The following CFAP61 variants were observed in gnomAD, a reference collection of about 807,000 sequenced individuals.
CFAP61 encodes the protein cilia- and flagella-associated protein 61.
A neutral mutation model predicts 135.6 loss-of-function variants in CFAP61; 107 were observed. The ratio of observed to expected loss-of-function variants is 0.79; its 90% CI spans 0.67 to 0.93. CFAP61 has a LOEUF of 0.93. Among genes scored for constraint, CFAP61 ranks in the 40% least tolerant of loss-of-function variants. The probability of loss-of-function intolerance (pLI) is 0.00; values close to 1 mark genes in which losing one functional copy is unlikely to be tolerated. For synonymous variants in CFAP61, 575 were observed against 578.5 expected, an observed-to-expected ratio of 0.99 and a Z score of 0.09; for missense variants, 1,507 against 1,556.2, an observed-to-expected ratio of 0.97 and a Z score of 0.53.
chr20:20,354,502 C>CAAAA (rs112245982), intron 26 of CFAP61, among the ~76,000 whole-genome samples: 6 of 133,920 alleles, frequency 4.5e-5, no homozygotes, highest in Admixed American at 7.7e-5. Context: ...GACCTTGTCT[C>CAAAA]AAAAAAAAAA....
chr20:20,285,677 G>A (rs578142315), intron 22 of CFAP61, among the ~76,000 whole-genome samples: 164 of 152,186 alleles, frequency 1.1e-3, no homozygotes, highest in Admixed American at 1.8e-3. Flanking sequence ...TAGCACTTTG[G>A]GAGGCCAAGG....
chr20:20,092,744 A>G (rs1234136658), intron 7 of CFAP61, among the ~76,000 whole-genome samples: 8 of 152,216 alleles, frequency 5.3e-5, no homozygotes, highest in Non-Finnish European at 4.4e-5. Flanking sequence ...AAGACATTCA[A>G]CATCATTAGT....
At chr20:20,172,287 CTGTTA>C in intron 13 of CFAP61, 1 of 981,802 alleles carries the variant, frequency 1.0e-6, no homozygotes, top group Non-Finnish European at 1.2e-6. Context: ...TTATGTCTAT[CTGTTA>C]TGTTTGATTT....
At chr20:20,251,470 C>A in intron 19 of CFAP61, 125 bp from the exon 20 acceptor site, 1 of 806,412 alleles carries the variant, frequency 1.2e-6, no homozygotes, top group Non-Finnish European at 2.0e-6. Context: ...AGTATCAGTC[C>A]TGGTAAACTC....
At chr20:20,163,766 C>G (rs1034049740) in intron 10 of CFAP61, among the ~76,000 whole-genome samples, 4 of 152,042 alleles carry the variant, frequency 2.6e-5, no homozygotes, top group Non-Finnish European at 4.4e-5. Flanking sequence ...TGCTCTCCCT[C>G]CCTTTCCCCC....
chr20:20,218,487 A>G (rs987319781), intron 17 of CFAP61, among the ~76,000 whole-genome samples: 22 of 152,286 alleles, frequency 1.4e-4, no homozygotes, highest in African/African-American at 5.3e-4. Context: ...AAACAGATTA[A>G]TACACCAGCT....
At chr20:20,063,727 G>C (rs934296144) in intron 2 of CFAP61, among the ~76,000 whole-genome samples, 18 of 152,124 alleles carry the variant, frequency 1.2e-4, no homozygotes, top group Non-Finnish European at 2.1e-4. Flanking sequence ...GCAATAAAAT[G>C]TACTAGGATT....
intron 17 of CFAP61, among the ~76,000 whole-genome samples, chr20:20,211,010 A>T (rs939938927): frequency 1.3e-5 from 2 of 152,230 alleles, no homozygotes; most frequent in African/African-American, 2.4e-5. Flanking sequence ...GGAAGATGTG[A>T]AAGATCAGGA....
At chr20:20,272,789 C>T (rs571637153) in intron 21 of CFAP61, among the ~76,000 whole-genome samples, 17 of 152,268 alleles carry the variant, frequency 1.1e-4, no homozygotes, top group African/African-American at 3.9e-4. Context: ...TGTCTCTGCC[C>T]CCCTTTCTTT....
At chr20:20,072,607 A>G (rs2045800337) in intron 3 of CFAP61, among the ~76,000 whole-genome samples, 1 of 152,164 alleles carries the variant, frequency 6.6e-6, no homozygotes. Flanking sequence ...GAAAATTATA[A>G]ATTAACACTC....
chr20:20,242,475 T>C (rs2050085983), intron 18 of CFAP61, among the ~76,000 whole-genome samples: 1 of 152,210 alleles, frequency 6.6e-6, no homozygotes, highest in Non-Finnish European at 1.5e-5. Context: ...TAGGACTAGT[T>C]AGAGGGAGTA....
intron 9 of CFAP61, among the ~76,000 whole-genome samples, chr20:20,150,393 A>C (rs933249520): frequency 1.3e-5 from 2 of 152,112 alleles, no homozygotes; most frequent in Non-Finnish European, 2.9e-5. Flanking sequence ...TCCCCCTTCT[A>C]CTATTGCAGC....
At chr20:20,304,837 C>T (rs927545214) in intron 25 of CFAP61, among the ~76,000 whole-genome samples, 2 of 152,054 alleles carry the variant, frequency 1.3e-5, no homozygotes, top group Non-Finnish European at 2.9e-5. Context: ...ACACCCCTGT[C>T]CCGTGTCTTC....
chr20:20,063,871 T>C (rs1416326670), intron 2 of CFAP61, among the ~76,000 whole-genome samples: 1 of 152,200 alleles, frequency 6.6e-6, no homozygotes, highest in Non-Finnish European at 1.5e-5. Context: ...AAAAACCCAT[T>C]GCATTTTTAT....
intron 26 of CFAP61, among the ~76,000 whole-genome samples, chr20:20,355,704 G>A (rs1240212590): frequency 1.4e-5 from 2 of 144,382 alleles, no homozygotes; most frequent in Non-Finnish European, 3.0e-5. Context: ...GTGAGAGGAG[G>A]TGGTCACACT....
intron 17 of CFAP61, among the ~76,000 whole-genome samples, chr20:20,224,396 A>C (rs1268869130): frequency 6.6e-6 from 1 of 152,118 alleles, no homozygotes. Flanking sequence ...TCCTAACAGG[A>C]GTATCAAATA....
chr20:20,062,117 G>T (rs548368666), intron 2 of CFAP61, among the ~76,000 whole-genome samples: 2 of 152,074 alleles, frequency 1.3e-5, no homozygotes, highest in African/African-American at 4.8e-5. Context: ...GTGCCTACAT[G>T]GAGGAGAATT....
At chr20:20,277,052 T>C (rs1040676448) in intron 21 of CFAP61, 114 bp from the exon 22 acceptor site, 3 of 795,720 alleles carry the variant, frequency 3.8e-6, no homozygotes, top group Non-Finnish European at 5.9e-6. Context: ...ACCGCTGGCT[T>C]CCTGCAGCTG....
At chr20:20,183,875 C>G (rs562915173) in intron 13 of CFAP61, among the ~76,000 whole-genome samples, 10 of 152,278 alleles carry the variant, frequency 6.6e-5, no homozygotes, top group Admixed American at 4.6e-4. Flanking sequence ...ACAGCCATAG[C>G]CCGTTCCTCC....
Sources: allele counts gnomAD v4.1 joint callset (sites outside exome capture counted in the v4.1 genomes callset), GRCh38; gene constraint gnomAD v4.1.1; transcripts MANE v1.5; gene names NCBI Gene and HGNC (gene_info 2026-07-23, HGNC 2026-07-21).